YES1: variants seen among roughly 807,000 people sequenced by gnomAD.
YES1 encodes tyrosine-protein kinase Yes.
Under a neutral mutation model 70.4 loss-of-function variants are expected in YES1, and 39 were observed. The ratio of observed to expected loss-of-function variants is 0.55; its 90% CI spans 0.43 to 0.72. The LOEUF (loss-of-function observed/expected upper bound fraction) is 0.72, where lower values mean the gene tolerates loss of function less well. YES1 is among the 30% of genes least tolerant of loss of function. The pLI, the probability that YES1 is intolerant of heterozygous loss-of-function variation, is 0.00. For missense variants in YES1, 495 were observed against 644.8 expected, an observed-to-expected ratio of 0.77 and a Z score of 2.52; for synonymous variants, 198 against 218.6, an observed-to-expected ratio of 0.91 and a Z score of 0.83.
Position 757,171 on chromosome 18 carries a change from T to C in YES1, c.-8-336A>G, listed in dbSNP as rs558388349. Among the ~76,000 whole-genome samples the C allele has an allele frequency of 1.3e-4, 20 of 152,298 alleles. 1 individual carries two copies. Among genetic ancestry groups the C allele is most frequent in the South Asian group, 1.0e-3 (5 of 4,820 alleles). ...GCTTCCTACTTAGTAGTGGAGTGATTTCAGGGTATGTTGCTTAACCTCTAT... is the reference window on the plus strand; with the variant it reads ...GCTTCCTACTTAGTAGTGGAGTGATCTCAGGGTATGTTGCTTAACCTCTAT... On this transcript the variant is annotated intron_variant, in intron 1 of 11. Coordinates refer to ENST00000314574, the MANE Select transcript of YES1 (RefSeq NM_005433.4).
intron 2 of YES1, among the ~76,000 whole-genome samples, chr18:755,637 C>T (rs62088300): frequency 0.089 from 13,494 of 152,142 alleles, 753 homozygotes; most frequent in East Asian, 0.27. Context: ...TTATCTTTTG[C>T]ACCCACTGGC....
chr18:729,451 T>G (rs2080061111), intron 11 of YES1, among the ~76,000 whole-genome samples: 1 of 149,068 alleles, frequency 6.7e-6, no homozygotes, highest in South Asian at 2.1e-4. Context: ...ACAATTTCCA[T>G]TTGATTCTTT....
intron 1 of YES1, among the ~76,000 whole-genome samples, chr18:801,863 G>A (rs745577797): frequency 1.2e-4 from 18 of 152,158 alleles, no homozygotes; most frequent in Non-Finnish European, 2.6e-4. Flanking sequence ...AACTTGATTG[G>A]GAAAACATGC....
At chr18:753,797 T>C (rs953757397) in intron 2 of YES1, among the ~76,000 whole-genome samples, 8 of 152,146 alleles carry the variant, frequency 5.3e-5, no homozygotes, top group Admixed American at 2.6e-4. Context: ...ACATCTTTAC[T>C]TGAATGTCTA....
At chr18:753,863 A>G (rs761855510) in intron 2 of YES1, among the ~76,000 whole-genome samples, 43 of 152,118 alleles carry the variant, frequency 2.8e-4, no homozygotes, top group Non-Finnish European at 4.7e-4. Context: ...CCTCTAACCT[A>G]TATTTACATA....
chr18:753,482 C>G (rs923446836), intron 2 of YES1, among the ~76,000 whole-genome samples: 20 of 151,528 alleles, frequency 1.3e-4, no homozygotes, highest in African/African-American at 4.8e-4. Flanking sequence ...CTTGTCAGAT[C>G]AAAAAAAAAT....
intron 1 of YES1, among the ~76,000 whole-genome samples, chr18:767,140 A>G: frequency 6.6e-6 from 1 of 152,184 alleles, no homozygotes; most frequent in South Asian, 2.1e-4. Context: ...TGAATATATT[A>G]TAATAGTCTT....
rs922397882 is a variant in YES1 at position 812,150 on chromosome 18, C to CG, written c.-46dup. On this transcript the variant is annotated 5_prime_UTR_variant, in exon 1 of 12. Coordinates refer to ENST00000314574, the MANE Select transcript of YES1 (RefSeq NM_005433.4). ...CCGCGCTCTCATGAGTCGCTGCTAC[C>CG]GCAGCTCGAGGTGGCGGAGGGCGGA... 6.5e-6 allele frequency: 1 copy of CG among 152,832 alleles called. No individual in the cohort carries two copies. The highest frequency in any genetic ancestry group is 2.4e-5 in the African/African-American group (1 of 41,424). The allele number at this position is 152,832 out of a possible 1,614,324, so 9.5% of individuals were successfully genotyped here.
intron 1 of YES1, among the ~76,000 whole-genome samples, chr18:797,089 T>C (rs114385864): frequency 6.6e-6 from 1 of 151,940 alleles, no homozygotes; most frequent in Non-Finnish European, 1.5e-5. Flanking sequence ...TGCACAGACA[T>C]GGAAAAGTCT....
At chr18:793,274 C>G (rs1359738184) in intron 1 of YES1, among the ~76,000 whole-genome samples, 1 of 151,948 alleles carries the variant, frequency 6.6e-6, no homozygotes, top group Admixed American at 6.6e-5. Context: ...CTCCAGACCT[C>G]GTGATCCACC....
Position 732,948 on chromosome 18 carries a change from T to G in YES1, c.1309A>C (p.Lys437Gln). The G allele has an allele frequency of 6.2e-7, 1 of 1,614,170 alleles. No individual in the cohort carries two copies. The highest frequency in any genetic ancestry group is 8.5e-7 in the Non-Finnish European group (1 of 1,180,030). Residue 437 changes from lysine to glutamine, a missense_variant, in exon 11 of 12, where the codon AAA becomes CAA. By Grantham distance (53) the Lys-to-Gln change is moderately conservative. This residue lies in a region of YES1 where 385 missense variants were observed against 540.9 expected (regional missense o/e 0.71). Transcript: ENST00000314574. ...TARQGAKFPI[K>Q]WTAPEAALYG... The stretch of plus-strand genomic sequence containing the variant: ...AGTGCAGCTTCAGGAGCTGTCCATT[T>G]GATTGGAAATTTTGCACCTAAAATA...
chr18:728,333 A>T (rs1203147139), intron 11 of YES1, among the ~76,000 whole-genome samples: 1 of 151,798 alleles, frequency 6.6e-6, no homozygotes, highest in African/African-American at 2.4e-5. Context: ...AAAAAAAAAA[A>T]AATTCATTTA....
At chr18:728,245 G>A (rs756286616) in intron 11 of YES1, among the ~76,000 whole-genome samples, 1 of 151,460 alleles carries the variant, frequency 6.6e-6, no homozygotes, top group Non-Finnish European at 1.5e-5. Flanking sequence ...AGGATCACCT[G>A]AGCCCAGGGA....
At chr18:810,107 C>T (rs987518272) in intron 1 of YES1, among the ~76,000 whole-genome samples, 1 of 151,358 alleles carries the variant, frequency 6.6e-6, no homozygotes, top group African/African-American at 2.4e-5. Context: ...TACTATAATG[C>T]TAATAGAATA....
At chr18:759,063 A>G (rs1904438939) in intron 1 of YES1, among the ~76,000 whole-genome samples, 1 of 152,226 alleles carries the variant, frequency 6.6e-6, no homozygotes, top group South Asian at 2.1e-4. Flanking sequence ...ATAATTTAAA[A>G]TGTAGCTACA....
chr18:744,221 G>T (rs184040093), intron 6 of YES1, among the ~76,000 whole-genome samples: 1 of 151,790 alleles, frequency 6.6e-6, no homozygotes, highest in South Asian at 2.1e-4. Context: ...GTAGAGATGG[G>T]ATTCAAATCT....
Position 746,031 on chromosome 18 carries a change from C to G in YES1, c.491G>C (p.Gly164Ala), listed in dbSNP as rs754039021. The part of the protein sequence containing the change: ...QAEEWYFGKM[G>A]RKDAERLLLN... ...AAGTAATCTTTCAGCATCTTTTCTC[C>G]CCATTTTGCCAAAATACCATCTGGA... The change falls in exon 5 of 12, where the codon GGG becomes GCG. Residue 164 changes from glycine to alanine, a missense_variant. This residue lies in a region of YES1 where 385 missense variants were observed against 540.9 expected (regional missense o/e 0.71). Transcript: ENST00000314574. 3 of 1,611,714 alleles carry G rather than the reference C, an allele frequency of 1.9e-6. No homozygotes were observed. The highest frequency in any genetic ancestry group is 2.5e-6 in the Non-Finnish European group (3 of 1,179,406).
chr18:751,628 T>C (rs1434484136), intron 3 of YES1, 77 bp downstream of exon 3: 1 of 982,388 alleles, frequency 1.0e-6, no homozygotes. Flanking sequence ...CTCTGGATCA[T>C]CAACCAGCTC....
At chr18:767,032 CAGA>C (rs1904943148) in intron 1 of YES1, among the ~76,000 whole-genome samples, 1 of 151,880 alleles carries the variant, frequency 6.6e-6, no homozygotes, top group African/African-American at 2.4e-5. Flanking sequence ...AATTCTTCAC[CAGA>C]AGATTTTCTA....
Sources: gnomAD v4.1 joint callset for allele counts (sites outside exome capture counted in the v4.1 genomes callset) on GRCh38, gnomAD v4.1.1 for gene constraint, gnomAD v4.1.1 regional missense constraint, MANE v1.5 for transcripts, NCBI Gene and HGNC (gene_info 2026-07-23, HGNC 2026-07-21) for gene names.